IFT88: variants seen among roughly 807,000 people sequenced by gnomAD.
IFT88 encodes intraflagellar transport 88.
Under a neutral mutation model 119.5 loss-of-function variants are expected in IFT88, and 74 were observed. The ratio of observed to expected loss-of-function variants is 0.62; its 90% confidence interval spans 0.51 to 0.75. The LOEUF (loss-of-function observed/expected upper bound fraction) is 0.75, where lower values mean the gene tolerates loss of function less well. Ranked by LOEUF, IFT88 falls within the 30% of genes least tolerant of loss-of-function variation. The probability of loss-of-function intolerance (pLI) is 0.00; values close to 1 mark genes in which losing one functional copy is unlikely to be tolerated. For missense variants in IFT88, 961 were observed against 977.7 expected (o/e 0.98, Z 0.23); for synonymous variants, 279 against 316.7 (o/e 0.88, Z 1.26).
At chr13:20,644,190 G>T (rs2140343479) in intron 19 of IFT88, among the ~76,000 whole-genome samples, 1 of 152,104 alleles carries the variant, frequency 6.6e-6, no homozygotes, top group South Asian at 2.1e-4. Context: ...AACATAACAA[G>T]ACCCCATCTC....
At chr13:20,609,846 G>A (rs2044173488) in intron 13 of IFT88, among the ~76,000 whole-genome samples, 1 of 152,182 alleles carries the variant, frequency 6.6e-6, no homozygotes, top group Admixed American at 6.5e-5. Flanking sequence ...ACCCCAGTAG[G>A]TAACCCTGAG....
intron 2 of IFT88, among the ~76,000 whole-genome samples, chr13:20,576,758 G>A (rs1176752226): frequency 6.6e-6 from 1 of 152,092 alleles, no homozygotes; most frequent in Non-Finnish European, 1.5e-5. Context: ...TGCTGTTTTG[G>A]TTACTATAGC....
At chr13:20,637,813 G>C (rs982061917) in intron 16 of IFT88, among the ~76,000 whole-genome samples, 2 of 152,204 alleles carry the variant, frequency 1.3e-5, no homozygotes, top group Non-Finnish European at 2.9e-5. Flanking sequence ...GCTTAACCAA[G>C]CTGACCTGGC....
intron 19 of IFT88, among the ~76,000 whole-genome samples, chr13:20,644,344 A>G (rs2050415607): frequency 6.6e-6 from 1 of 152,090 alleles, no homozygotes; most frequent in Non-Finnish European, 1.5e-5. Context: ...TACTAAAAAC[A>G]CAAAAATTAG....
chr13:20,631,199 T>C, intron 16 of IFT88, 97 bp downstream of exon 16: 2 of 786,442 alleles, frequency 2.5e-6, no homozygotes, highest in South Asian at 2.9e-5. Flanking sequence ...CAAAGAATAT[T>C]GGTGGAGAAT....
chr13:20,635,124 T>C (rs1456450959), intron 16 of IFT88, among the ~76,000 whole-genome samples: 2 of 152,122 alleles, frequency 1.3e-5, no homozygotes, highest in Non-Finnish European at 2.9e-5. Context: ...ACAAAGGACA[T>C]GAATTCATCA....
rs943321085 is a variant in IFT88 at position 20,601,871 on chromosome 13, G to C, written c.979G>C (p.Ala327Pro). The part of the protein sequence containing the change: ...AIGDREKMKK[A>P]FQKLITVPLE... ...TGGAGACCGAGAAAAAATGAAGAAGGCATTCCAAAAATTGATTACTGTTCC... is the reference window on the plus strand; with the variant it reads ...TGGAGACCGAGAAAAAATGAAGAAGCCATTCCAAAAATTGATTACTGTTCC... The change falls in exon 12 of 26, where the codon GCA becomes CCA. Residue 327 changes from alanine to proline, a missense_variant. Coordinates refer to ENST00000351808, the MANE Select transcript of IFT88 (RefSeq NM_006531.5). 1.2e-6 allele frequency: 2 copies of C among 1,612,014 alleles called. No individual in the cohort carries two copies. Among genetic ancestry groups the C allele is most frequent in the Non-Finnish European group, 1.7e-6 (2 of 1,178,254 alleles).
chr13:20,676,442 A>T (rs117629513), intron 24 of IFT88, among the ~76,000 whole-genome samples: 1,964 of 152,302 alleles, frequency 0.013, 22 homozygotes, highest in Non-Finnish European at 0.02. Context: ...CTCCCGCCTG[A>T]CAAAGGGAGT....
At chr13:20,601,180 GTA>G (rs1362194057) in intron 11 of IFT88, among the ~76,000 whole-genome samples, 78 of 152,102 alleles carry the variant, frequency 5.1e-4, no homozygotes, top group Non-Finnish European at 1.5e-5. Flanking sequence ...AGCCTGACCA[GTA>G]TGGTGAAACC....
chr13:20,654,419 A>G (rs1274605851), intron 21 of IFT88, among the ~76,000 whole-genome samples: 1 of 152,214 alleles, frequency 6.6e-6, no homozygotes, highest in Non-Finnish European at 1.5e-5. Context: ...CTTGCTGATG[A>G]CACATATCCT....
chr13:20,630,665 C>G (rs1594412674), intron 15 of IFT88, among the ~76,000 whole-genome samples: 1 of 152,278 alleles, frequency 6.6e-6, no homozygotes, highest in East Asian at 1.9e-4. Context: ...TCCCAAAGTG[C>G]TGAGATTATA....
intron 7 of IFT88, among the ~76,000 whole-genome samples, chr13:20,594,780 C>A (rs190146538): frequency 5.3e-4 from 80 of 152,200 alleles, no homozygotes; most frequent in African/African-American, 1.8e-3. Context: ...TTTTACAGAT[C>A]TTTATAAACT....
chr13:20,650,582 G>T (rs1364832914), intron 20 of IFT88, among the ~76,000 whole-genome samples: 1 of 152,112 alleles, frequency 6.6e-6, no homozygotes, highest in African/African-American at 2.4e-5. Context: ...CACTGCTTCT[G>T]ATCAACATGG....
chr13:20,609,940 G>T (rs1594162951), intron 13 of IFT88, among the ~76,000 whole-genome samples: 2 of 152,094 alleles, frequency 1.3e-5, no homozygotes, highest in South Asian at 4.1e-4. Context: ...GGCTTGGCTT[G>T]TGGGGTCTTG....
At chr13:20,644,556 CTT>C (rs1211353628) in intron 19 of IFT88, among the ~76,000 whole-genome samples, 1 of 151,850 alleles carries the variant, frequency 6.6e-6, no homozygotes, top group Non-Finnish European at 1.5e-5. Flanking sequence ...TCATTTTTCT[CTT>C]GAGGCACGAT....
chr13:20,630,920 G>A, intron 15 of IFT88, 96 bp from the exon 16 acceptor site: 1 of 700,616 alleles, frequency 1.4e-6, no homozygotes, highest in Non-Finnish European at 2.5e-6. Flanking sequence ...GCCCTTCCCT[G>A]GTCTTACCCT....
At chr13:20,651,727 C>T (rs907003612) in intron 20 of IFT88, among the ~76,000 whole-genome samples, 1 of 151,548 alleles carries the variant, frequency 6.6e-6, no homozygotes, top group Non-Finnish European at 1.5e-5. Flanking sequence ...CTTACCATGC[C>T]TAAGGTATAA....
In IFT88 at chr13:20,574,488, A is replaced by G. The variant is rs755408071; in HGVS notation, c.90+13A>G. The G allele has an allele frequency of 6.7e-6, 10 of 1,493,832 alleles. 1 individual carries two copies. The East Asian group carries it at 1.6e-4, about 24-fold the overall frequency. The allele number at this position is 1,493,832 out of a possible 1,614,324, so 92.5% of individuals were successfully genotyped here. On this transcript the variant is annotated intron_variant, in intron 2 of 25. Transcript: ENST00000351808. ...CTATGATATCGAGGTAACAAAAGCTAGTTGTTTTTTACATTGGTCTTGGTT... is the reference window on the plus strand; with the variant it reads ...CTATGATATCGAGGTAACAAAAGCTGGTTGTTTTTTACATTGGTCTTGGTT...
chr13:20,610,104 G>GGT (rs1555269843), intron 13 of IFT88, among the ~76,000 whole-genome samples: 144 of 146,896 alleles, frequency 9.8e-4, no homozygotes, highest in African/African-American at 3.4e-3. Flanking sequence ...CTTGACTGCT[G>GGT]TTTTTTTTTT....
Sources: gnomAD v4.1 joint callset for allele counts (sites outside exome capture counted in the v4.1 genomes callset) on GRCh38, gnomAD v4.1.1 for gene constraint, MANE v1.5 for transcripts, NCBI Gene and HGNC (gene_info 2026-07-23, HGNC 2026-07-21) for gene names.